PRKG1: variants seen among roughly 807,000 people sequenced by gnomAD.
PRKG1 encodes the protein protein kinase cGMP-dependent 1, also known as cGMP-dependent protein kinase 1.
In PRKG1, 35 loss-of-function variants were observed where a neutral mutation model predicts 88.1. The observed-to-expected ratio is 0.40, with a 90% CI of 0.30 to 0.53. The LOEUF (loss-of-function observed/expected upper bound fraction) is 0.53. Among genes scored for constraint, PRKG1 ranks in the 20% least tolerant of loss-of-function variants. PRKG1 has a pLI of 0.59. For synonymous variants in PRKG1, 303 were observed against 292.5 expected, an observed-to-expected ratio of 1.04 and a Z score of -0.37; for missense variants, 540 against 839.8, an observed-to-expected ratio of 0.64 and a Z score of 4.41.
At chr10:52,078,892 A>G (rs1263841215) in intron 7 of PRKG1, among the ~76,000 whole-genome samples, 1 of 152,220 alleles carries the variant, frequency 6.6e-6, no homozygotes, top group African/African-American at 2.4e-5. Context: ...GATAGTTTGT[A>G]TTTACAGTTT....
intron 3 of PRKG1, among the ~76,000 whole-genome samples, chr10:51,482,796 A>G (rs1456845161): frequency 1.3e-5 from 2 of 152,116 alleles, no homozygotes; most frequent in Admixed American, 6.6e-5. Context: ...CAGTTTCATC[A>G]TTCATGAAAT....
intron 3 of PRKG1, among the ~76,000 whole-genome samples, chr10:51,609,196 A>T (rs1332448782): frequency 6.6e-6 from 1 of 152,066 alleles, no homozygotes. Flanking sequence ...TTTAAAAAAA[A>T]TTTAGTGTAG....
At chr10:52,197,143 GA>G (rs1839526182) in intron 9 of PRKG1, among the ~76,000 whole-genome samples, 1 of 152,056 alleles carries the variant, frequency 6.6e-6, no homozygotes, top group Non-Finnish European at 1.5e-5. Context: ...TGGACATTCA[GA>G]TTTTTTTGTG....
At chr10:51,366,008 T>C (rs1842582312) in intron 2 of PRKG1, among the ~76,000 whole-genome samples, 1 of 151,986 alleles carries the variant, frequency 6.6e-6, no homozygotes, top group African/African-American at 2.4e-5. Flanking sequence ...GTTCTATATC[T>C]TGGCAGATGG....
chr10:51,610,127 G>A (rs1194954495), intron 3 of PRKG1, among the ~76,000 whole-genome samples: 5 of 152,132 alleles, frequency 3.3e-5, no homozygotes, highest in African/African-American at 1.2e-4. Flanking sequence ...TCATTTGTAT[G>A]TTTTGGGTAT....
chr10:51,311,708 CATCT>C (rs1433151149), intron 2 of PRKG1, among the ~76,000 whole-genome samples: 2 of 152,094 alleles, frequency 1.3e-5, no homozygotes, highest in Admixed American at 6.6e-5. Context: ...TTTATTTCAC[CATCT>C]GTGTTGGCTT....
chr10:51,144,795 A>G (rs748401647), intron 1 of PRKG1, among the ~76,000 whole-genome samples: 1 of 152,168 alleles, frequency 6.6e-6, no homozygotes, highest in Non-Finnish European at 1.5e-5. Flanking sequence ...CATGTAGGAC[A>G]TTGTAATGAA....
chr10:51,467,507 T>C (rs1045393187), intron 2 of PRKG1, among the ~76,000 whole-genome samples: 1 of 152,040 alleles, frequency 6.6e-6, no homozygotes, highest in African/African-American at 2.4e-5. Context: ...TCTTTGGATC[T>C]CATATCAAAT....
intron 5 of PRKG1, among the ~76,000 whole-genome samples, chr10:52,019,368 G>C (rs766227599): frequency 2.4e-4 from 36 of 152,170 alleles, no homozygotes; most frequent in Non-Finnish European, 3.5e-4. Flanking sequence ...TGATGATTAT[G>C]TTTCAAAGGG....
rs1451749296 is a variant in PRKG1, at chr10:52,165,657, G to GATT, written c.1076+3697_1076+3699dup. 2.0e-5 allele frequency among the ~76,000 whole-genome samples: 3 copies of GATT among 152,128 alleles called. No individual in the cohort carries two copies. The East Asian group carries it at 5.8e-4, about 29-fold the overall frequency. Reference sequence around the variant, plus strand: ...ATATTTCTTAAAGCTCGACTAAAATGATTATGTTAGTTATCCATGGGAAAT... The same window carrying GATT: ...ATATTTCTTAAAGCTCGACTAAAATGATTATTATGTTAGTTATCCATGGGAAAT... On this transcript the variant is annotated intron_variant, in intron 9 of 17. Coordinates refer to ENST00000373980, the MANE Select transcript of PRKG1 (RefSeq NM_006258.4).
In PRKG1 at chr10:52,002,479, T is replaced by A. The variant is rs117559227; in HGVS notation, c.763-52005T>A. ...CTTTTTTCTTGCCTTCCCTCCTTTC[T>A]TTCTGAGAAATGTTAACACGGATCC... On this transcript the variant is annotated intron_variant, in intron 5 of 17. Coordinates refer to ENST00000373980, the MANE Select transcript of PRKG1 (RefSeq NM_006258.4). Among the ~76,000 whole-genome samples, 1,236 of 152,280 alleles carry A rather than the reference T, an allele frequency of 8.1e-3. 5 individuals are homozygous for A. Among genetic ancestry groups the A allele is most frequent in the Non-Finnish European group, 0.013 (879 of 67,994 alleles).
intron 3 of PRKG1, among the ~76,000 whole-genome samples, chr10:51,472,334 A>T (rs529192230): frequency 6.6e-6 from 1 of 152,058 alleles, no homozygotes; most frequent in East Asian, 1.9e-4. Flanking sequence ...TATCAGAAAA[A>T]TCTGCTGACT....
At chr10:51,518,276 G>T (rs552258862) in intron 3 of PRKG1, among the ~76,000 whole-genome samples, 1 of 152,326 alleles carries the variant, frequency 6.6e-6, no homozygotes, top group Admixed American at 6.5e-5. Flanking sequence ...GGGATTACAG[G>T]TGTGAGCCAC....
chr10:51,422,019 C>T (rs1564488011), intron 2 of PRKG1, among the ~76,000 whole-genome samples: 1 of 152,208 alleles, frequency 6.6e-6, no homozygotes. Flanking sequence ...ACTTCACAAG[C>T]TCTATTTATA....
chr10:51,886,180 A>G (rs1242132122), intron 4 of PRKG1, among the ~76,000 whole-genome samples: 4 of 152,206 alleles, frequency 2.6e-5, no homozygotes, highest in African/African-American at 4.8e-5. Context: ...CATGGCCACC[A>G]TGCCTGGCTC....
chr10:51,361,481 G>A (rs912713792), intron 2 of PRKG1, among the ~76,000 whole-genome samples: 12 of 151,996 alleles, frequency 7.9e-5, no homozygotes, highest in Admixed American at 6.6e-4. Context: ...CTGAGTCATG[G>A]TCTACGTAAT....
intron 2 of PRKG1, among the ~76,000 whole-genome samples, chr10:51,295,302 A>T (rs1187684949): frequency 6.6e-6 from 1 of 151,838 alleles, no homozygotes; most frequent in Non-Finnish European, 1.5e-5. Context: ...TGTCTTTTTA[A>T]ATTTTCTTCA....
chr10:51,241,960 C>T (rs1839164548), intron 2 of PRKG1, among the ~76,000 whole-genome samples: 1 of 151,256 alleles, frequency 6.6e-6, no homozygotes, highest in Admixed American at 6.6e-5. Context: ...GCTTTTTTGC[C>T]CTCTATGCTG....
chr10:52,262,263 T>G (rs1841450621), intron 10 of PRKG1, among the ~76,000 whole-genome samples: 1 of 152,058 alleles, frequency 6.6e-6, no homozygotes, highest in Non-Finnish European at 1.5e-5. Context: ...GAAGCTGGTT[T>G]TTTTTGTTTG....
Sources: allele counts gnomAD v4.1 joint callset (sites outside exome capture counted in the v4.1 genomes callset), GRCh38; gene constraint gnomAD v4.1.1; transcripts MANE v1.5; gene names NCBI Gene and HGNC (gene_info 2026-07-23, HGNC 2026-07-21).